COBL: variants seen among roughly 807,000 people sequenced by gnomAD.
COBL encodes the protein cordon-bleu WH2 repeat protein.
COBL carries 51 observed loss-of-function variants against 98.8 expected under a neutral mutation model. That is an observed-to-expected ratio of 0.52 (90% CI 0.41 to 0.65). The LOEUF (loss-of-function observed/expected upper bound fraction) is 0.65. Ranked by LOEUF, COBL falls within the 30% of genes least tolerant of loss-of-function variation. The probability of loss-of-function intolerance (pLI) is 0.00; values close to 1 mark genes in which losing one functional copy is unlikely to be tolerated. For synonymous variants in COBL, 634 were observed against 651.7 expected, an observed-to-expected ratio of 0.97 and a Z score of 0.41; for missense variants, 1,617 against 1,617.5, an observed-to-expected ratio of 1.00 and a Z score of 0.01.
rs951341868 is a variant in COBL, at chr7:51,292,019, G to C, written c.41+24574C>G. ...TCTACTGAAAACACAAAATTGGCTG[G>C]GTGTGGTGGAGGGCGCTATTTGGGA... On this transcript the variant is annotated intron_variant, in intron 1 of 12. Coordinates refer to ENST00000265136, the MANE Select transcript of COBL (RefSeq NM_015198.5). Among the ~76,000 whole-genome samples, 6 of 151,998 alleles carry C rather than the reference G, an allele frequency of 3.9e-5. No homozygotes were observed. In the South Asian group the frequency reaches 1.2e-3, roughly 32 times the overall value.
intron 5 of COBL, among the ~76,000 whole-genome samples, chr7:51,147,667 C>T (rs1175881621): frequency 2.6e-5 from 4 of 152,072 alleles, no homozygotes; most frequent in East Asian, 3.9e-4. Flanking sequence ...ACCTAACGCC[C>T]GCTTGGACTA....
chr7:51,215,332 G>A (rs1222244981), intron 2 of COBL, among the ~76,000 whole-genome samples: 2 of 152,198 alleles, frequency 1.3e-5, no homozygotes, highest in African/African-American at 4.8e-5. Context: ...ATCGGATGTT[G>A]ATAGCATTCT....
chr7:51,217,242 A>G (rs1793141901), intron 2 of COBL, among the ~76,000 whole-genome samples: 1 of 152,178 alleles, frequency 6.6e-6, no homozygotes, highest in Non-Finnish European at 1.5e-5. Context: ...TTTTACTTTT[A>G]GAATGCGCAT....
intron 6 of COBL, among the ~76,000 whole-genome samples, chr7:51,094,555 CTAGA>C (rs1220336480): frequency 3.3e-5 from 5 of 151,854 alleles, no homozygotes; most frequent in African/African-American, 1.2e-4. Flanking sequence ...AAAGACCTAG[CTAGA>C]TAAATAAAAG....
intron 3 of COBL, among the ~76,000 whole-genome samples, chr7:51,192,014 C>T (rs1008334806): frequency 2.0e-5 from 3 of 152,168 alleles, no homozygotes; most frequent in Non-Finnish European, 4.4e-5. Flanking sequence ...CAAGTGGAAT[C>T]ATGCAGATGC....
chr7:51,240,620 C>T (rs1256941658), intron 1 of COBL, among the ~76,000 whole-genome samples: 1 of 152,082 alleles, frequency 6.6e-6, no homozygotes, highest in Non-Finnish European at 1.5e-5. Flanking sequence ...GATCGCGGCT[C>T]ACTACAACCT....
At chr7:51,141,126 TA>T (rs879858577) in intron 5 of COBL, among the ~76,000 whole-genome samples, 2,580 of 142,190 alleles carry the variant, frequency 0.018, 67 homozygotes, top group African/African-American at 0.058. Context: ...TAAATCGATT[TA>T]AAAAAAAAAA....
At chr7:51,293,983 T>G (rs1303964184) in intron 1 of COBL, among the ~76,000 whole-genome samples, 1 of 152,064 alleles carries the variant, frequency 6.6e-6, no homozygotes, top group Non-Finnish European at 1.5e-5. Flanking sequence ...TTTGCCTAAG[T>G]TTTTCAACAG....
At chr7:51,025,461 A>T in intron 11 of COBL, 89 bp from the exon 12 acceptor site, 1 of 1,355,786 alleles carries the variant, frequency 7.4e-7, no homozygotes, top group Middle Eastern at 1.9e-4. Flanking sequence ...TAGTGGCATG[A>T]GGAGATGAGG....
At chr7:51,093,996 T>C (rs1007859805) in intron 6 of COBL, among the ~76,000 whole-genome samples, 1 of 150,750 alleles carries the variant, frequency 6.6e-6, no homozygotes, top group African/African-American at 2.4e-5. Context: ...TATATATATG[T>C]ATATAAAACA....
chr7:51,304,405 C>T (rs1180307982), intron 1 of COBL, among the ~76,000 whole-genome samples: 1 of 152,214 alleles, frequency 6.6e-6, no homozygotes, highest in Non-Finnish European at 1.5e-5. Flanking sequence ...CTGGTACAAA[C>T]CTGTGTTTAC....
intron 2 of COBL, among the ~76,000 whole-genome samples, chr7:51,196,758 G>C (rs901084118): frequency 6.6e-6 from 1 of 151,718 alleles, no homozygotes; most frequent in Non-Finnish European, 1.5e-5. Context: ...TCTTGGGAGA[G>C]TGTGTGTGTG....
intron 7 of COBL, among the ~76,000 whole-genome samples, chr7:51,059,453 A>G (rs1791100386): frequency 6.6e-6 from 1 of 152,206 alleles, no homozygotes; most frequent in Non-Finnish European, 1.5e-5. Flanking sequence ...CATGATCTTT[A>G]GAAAGACTGG....
intron 6 of COBL, among the ~76,000 whole-genome samples, chr7:51,104,697 T>G (rs1305522306): frequency 3.9e-5 from 6 of 152,124 alleles, no homozygotes; most frequent in Non-Finnish European, 7.4e-5. Flanking sequence ...GACCCTGACA[T>G]CACCCCCAGA....
intron 6 of COBL, among the ~76,000 whole-genome samples, chr7:51,121,895 A>ACT (rs1396054717): frequency 3.4e-4 from 52 of 152,318 alleles, no homozygotes; most frequent in African/African-American, 1.1e-3. Context: ...AAACATACTG[A>ACT]CTGTTGACGT....
intron 5 of COBL, among the ~76,000 whole-genome samples, chr7:51,142,179 C>T (rs1799819734): frequency 6.6e-6 from 1 of 152,106 alleles, no homozygotes; most frequent in Middle Eastern, 3.4e-3. Context: ...AGGAAATGAT[C>T]GCTCTTTTTT....
chr7:51,303,304 T>A (rs1168011246), intron 1 of COBL, among the ~76,000 whole-genome samples: 1 of 152,184 alleles, frequency 6.6e-6, no homozygotes, highest in Non-Finnish European at 1.5e-5. Flanking sequence ...CTCACACCTG[T>A]AATCCCAGCC....
intron 6 of COBL, among the ~76,000 whole-genome samples, chr7:51,126,094 G>A (rs569958831): frequency 6.6e-6 from 1 of 152,294 alleles, no homozygotes; most frequent in Admixed American, 6.5e-5. Flanking sequence ...CTGGGAGGCC[G>A]AGGTGAACAG....
At chr7:51,047,204 CACTT>C (rs1401212685) in intron 7 of COBL, among the ~76,000 whole-genome samples, 1 of 152,218 alleles carries the variant, frequency 6.6e-6, no homozygotes, top group Non-Finnish European at 1.5e-5. Context: ...TGAAAAAGCA[CACTT>C]ACTTTGTCTT....
Sources: gnomAD v4.1 joint callset for allele counts (sites outside exome capture counted in the v4.1 genomes callset) on GRCh38, gnomAD v4.1.1 for gene constraint, MANE v1.5 for transcripts, NCBI Gene and HGNC (gene_info 2026-07-23, HGNC 2026-07-21) for gene names.